Variants in LRRC75A observed in about 807,000 individuals in gnomAD.
The protein encoded by LRRC75A is leucine rich repeat containing 75A, also known as leucine-rich repeat-containing protein 75A.
Under a neutral mutation model 26.0 loss-of-function variants are expected in LRRC75A, and 12 were observed. The observed-to-expected ratio is 0.46, with a 90% CI of 0.30 to 0.75. LRRC75A has a LOEUF of 0.75. Ranked by LOEUF, LRRC75A falls within the 30% of genes least tolerant of loss-of-function variation. The pLI, the probability that LRRC75A is intolerant of heterozygous loss-of-function variation, is 0.08. For missense variants in LRRC75A, 410 were observed against 486.6 expected (o/e 0.84, Z 1.48); for synonymous variants, 223 against 219.3 (o/e 1.02, Z -0.15).
intron 1 of LRRC75A, among the ~76,000 whole-genome samples, chr17:16,468,915 T>C (rs1457283866): frequency 1.3e-5 from 2 of 152,054 alleles, no homozygotes; most frequent in Non-Finnish European, 2.9e-5. Context: ...CTTCTTGGGA[T>C]AGGAGGGGGC....
At position 16,441,594 on chromosome 17, in the gene LRRC75A, GA is replaced by G; in HGVS notation, c.*1993del. 7.1e-6 allele frequency: 2 copies of G among 281,060 alleles called. No homozygotes were observed. Among genetic ancestry groups the G allele is most frequent in the Non-Finnish European group, 1.3e-5 (2 of 149,012 alleles). The allele number at this position is 281,060 out of a possible 1,614,324, so 17.4% of individuals were successfully genotyped here. On this transcript the variant is annotated 3_prime_UTR_variant, in exon 4 of 4. Coordinates refer to ENST00000470794, the MANE Select transcript of LRRC75A (RefSeq NM_001113567.3). ...TTTTTGGGTTTTTTTTTTTTTTTTT[GA>G]GACAGTCTTGCTGTATTGCCCAGGC...
intron 1 of LRRC75A, among the ~76,000 whole-genome samples, chr17:16,465,791 T>C (rs1271073435): frequency 6.6e-6 from 1 of 152,222 alleles, no homozygotes; most frequent in Admixed American, 6.5e-5. Context: ...CTGCTGACTG[T>C]GGCTCTGCCT....
In LRRC75A at chr17:16,443,014, C is replaced by T. The variant is rs1362053854; in HGVS notation, c.*574G>A. On this transcript the variant is annotated 3_prime_UTR_variant, in exon 4 of 4. Transcript: ENST00000470794. ...GCAGATGCCTAGAATCAAGGTGGGC[C>T]TCAGAAATAGGGCTGGGTCTCCATA... 1 of 152,750 alleles carries T rather than the reference C, an allele frequency of 6.5e-6. No individual in the cohort carries two copies. Among genetic ancestry groups the T allele is most frequent in the Non-Finnish European group, 1.5e-5 (1 of 68,450 alleles). The allele number at this position is 152,750 out of a possible 1,614,324, so 9.5% of individuals were successfully genotyped here. A position where few individuals can be genotyped will look rare whatever the true frequency, so the allele number is the denominator to read the frequency against.
chr17:16,471,829 T>TA (rs1221780737), intron 1 of LRRC75A, among the ~76,000 whole-genome samples: 2 of 152,176 alleles, frequency 1.3e-5, no homozygotes, highest in East Asian at 3.9e-4. Context: ...TGAGGCCACT[T>TA]ACGTGAGGGA....
Position 16,442,627 on chromosome 17 carries a change from T to G in LRRC75A, c.*961A>C, listed in dbSNP as rs1440984350. On this transcript the variant is annotated 3_prime_UTR_variant, in exon 4 of 4. Coordinates refer to ENST00000470794, the MANE Select transcript of LRRC75A (RefSeq NM_001113567.3). ...GGATCTGCCAAGGGATTGGACTCCT[T>G]CATTGTCCTAGGTTTTTAAGGTTTT... The G allele has an allele frequency of 1.3e-5, 2 of 152,272 alleles. No homozygotes were observed. The highest frequency in any genetic ancestry group is 2.9e-5 in the Non-Finnish European group (2 of 68,068). 9.4% of individuals were successfully genotyped at this position (152,272 alleles called of 1,614,324 possible).
chr17:16,444,951 T>A (rs1319019703), intron 3 of LRRC75A, among the ~76,000 whole-genome samples: 3 of 148,910 alleles, frequency 2.0e-5, no homozygotes, highest in South Asian at 4.3e-4. Flanking sequence ...CGGGCTCAAG[T>A]GATTCTCCTG....
intron 1 of LRRC75A, among the ~76,000 whole-genome samples, chr17:16,475,501 A>C (rs1002618459): frequency 2.0e-5 from 3 of 152,122 alleles, no homozygotes; most frequent in African/African-American, 4.8e-5. Flanking sequence ...TTTCTCTTGG[A>C]GCCTTCAACT....
In LRRC75A at chr17:16,491,699, C is replaced by T; in HGVS notation, c.246+46G>A. On this transcript the variant is annotated intron_variant, in intron 1 of 3. Coordinates refer to ENST00000470794, the MANE Select transcript of LRRC75A (RefSeq NM_001113567.3). This position sits in a 1 kb window ranked among gnomAD's most constrained non-coding sequence, Gnocchi z 5.9. The stretch of plus-strand genomic sequence containing the variant: ...ATGGGGCGCCCCCCCCGGCCCAGCA[C>T]GCCCCCTGGCCCGGCGCGCCCCCCG... The T allele has an allele frequency of 8.0e-7, 1 of 1,242,322 alleles. No individual in the cohort carries two copies. Among genetic ancestry groups the T allele is most frequent in the Non-Finnish European group, 1.0e-6 (1 of 982,924 alleles). The allele number at this position is 1,242,322 out of a possible 1,614,324, so 77.0% of individuals were successfully genotyped here. A position where few individuals can be genotyped will look rare whatever the true frequency, so the allele number is the denominator to read the frequency against.
At chr17:16,489,206 G>A (rs142890971) in intron 1 of LRRC75A, among the ~76,000 whole-genome samples, 4 of 152,330 alleles carry the variant, frequency 2.6e-5, no homozygotes, top group African/African-American at 7.2e-5. Flanking sequence ...ATGGCTCTGG[G>A]CATACACAAA....
chr17:16,481,959 T>C (rs1331319040), intron 1 of LRRC75A, among the ~76,000 whole-genome samples: 1 of 151,910 alleles, frequency 6.6e-6, no homozygotes. Flanking sequence ...CAGGTCCCCA[T>C]GGGGAAAGGG....
chr17:16,454,925 T>C (rs2093664494), intron 2 of LRRC75A, among the ~76,000 whole-genome samples: 2 of 151,520 alleles, frequency 1.3e-5, no homozygotes, highest in South Asian at 4.2e-4. Context: ...TTCTTTTCTT[T>C]TCTTTTCTTT....
At chr17:16,485,597 T>C (rs1260747008) in intron 1 of LRRC75A, among the ~76,000 whole-genome samples, 1 of 150,272 alleles carries the variant, frequency 6.7e-6, no homozygotes, top group East Asian at 2.0e-4. Flanking sequence ...ACTAAGACAG[T>C]CGGCAAGAAC....
At chr17:16,447,536 G>A (rs2093596219) in intron 3 of LRRC75A, among the ~76,000 whole-genome samples, 1 of 152,174 alleles carries the variant, frequency 6.6e-6, no homozygotes, top group South Asian at 2.1e-4. Flanking sequence ...GACCTCAAGT[G>A]ATCCACCTGC....
chr17:16,489,213 C>T (rs2093852561), intron 1 of LRRC75A, among the ~76,000 whole-genome samples: 1 of 152,154 alleles, frequency 6.6e-6, no homozygotes, highest in African/African-American at 2.4e-5. Flanking sequence ...TGGGCATACA[C>T]AAATCCAGCA....
intron 1 of LRRC75A, among the ~76,000 whole-genome samples, chr17:16,479,321 T>C (rs1452827264): frequency 6.6e-6 from 1 of 152,208 alleles, no homozygotes; most frequent in East Asian, 1.9e-4. Flanking sequence ...CACAGTTCAT[T>C]GCCTCAGGTG....
At chr17:16,445,553 A>G (rs2093576894) in intron 3 of LRRC75A, among the ~76,000 whole-genome samples, 1 of 152,224 alleles carries the variant, frequency 6.6e-6, no homozygotes, top group Non-Finnish European at 1.5e-5. Context: ...TACTGTCAAC[A>G]GCTCAAAGGT....
chr17:16,465,750 G>A (rs1388644391), intron 1 of LRRC75A, among the ~76,000 whole-genome samples: 2 of 152,216 alleles, frequency 1.3e-5, no homozygotes, highest in African/African-American at 2.4e-5. Flanking sequence ...CTCCCCTGCC[G>A]TCTCCCCGCG....
chr17:16,491,717 G>GCCCCCCCCGCCCCCA lies in LRRC75A; in HGVS notation c.246+27_246+28insTGGGGGCGGGGGGGG. ...CCCAGCACGCCCCCTGGCCCGGCGC[G>GCCCCCCCCGCCCCCA]CCCCCCGCGCCCCCTCCCCGCGCTC... On this transcript the variant is annotated intron_variant, in intron 1 of 3. Transcript: ENST00000470794. The surrounding 1 kb of genome is among the most constrained non-coding windows in gnomAD (Gnocchi z 5.9). 1.5e-6 allele frequency: 2 copies of GCCCCCCCCGCCCCCA among 1,290,714 alleles called. No individual in the cohort carries two copies. Among genetic ancestry groups the GCCCCCCCCGCCCCCA allele is most frequent in the Non-Finnish European group, 2.0e-6 (2 of 1,019,652 alleles). 80.0% of individuals were successfully genotyped at this position (1,290,714 alleles called of 1,614,324 possible). A position where few individuals can be genotyped will look rare whatever the true frequency, so the allele number is the denominator to read the frequency against.
At chr17:16,490,831 G>A (rs544842855) in intron 1 of LRRC75A, among the ~76,000 whole-genome samples, 39 of 152,344 alleles carry the variant, frequency 2.6e-4, no homozygotes, top group African/African-American at 9.1e-4. Flanking sequence ...ACCAAAGCCA[G>A]GCCAAGACAA....
Sources: allele counts gnomAD v4.1 joint callset (sites outside exome capture counted in the v4.1 genomes callset), GRCh38; gene constraint gnomAD v4.1.1; non-coding constraint Gnocchi (gnomAD v3.1); transcripts MANE v1.5; gene names NCBI Gene and HGNC (gene_info 2026-07-23, HGNC 2026-07-21).